The following IL4R variants were observed in gnomAD, a reference collection of about 807,000 sequenced individuals.
The protein encoded by IL4R is interleukin 4 receptor.
In IL4R, 17 loss-of-function variants were observed where a neutral mutation model predicts 41.5. The ratio of observed to expected loss-of-function variants is 0.41; its 90% CI spans 0.28 to 0.61. The LOEUF (loss-of-function observed/expected upper bound fraction) is 0.61, where lower values mean the gene tolerates loss of function less well. Ranked by LOEUF, IL4R falls within the 20% of genes least tolerant of loss-of-function variation. The pLI, the probability that IL4R is intolerant of heterozygous loss-of-function variation, is 0.31. For missense variants in IL4R, 974 were observed against 1,043.1 expected (o/e 0.93, Z 0.91); for synonymous variants, 402 against 422.9 (o/e 0.95, Z 0.61).
upstream of IL4R, chr16:27,313,792 G>C: frequency 2.1e-6 from 1 of 483,530 alleles, no homozygotes; most frequent in South Asian, 8.1e-5. Context: ...CGGCGGCGGC[G>C]GCGGGGACAG....
At chr16:27,360,693 C>A in intron 9 of IL4R, 73 bp from the exon 10 acceptor site, 1 of 1,595,160 alleles carries the variant, frequency 6.3e-7, no homozygotes, top group Non-Finnish European at 8.6e-7. Context: ...TGTACCCCTT[C>A]CTGAGCATTG....
rs753965170 is a variant in IL4R at position 27,363,455 on chromosome 16, C to A, written c.2103C>A (p.Asp701Glu). The change falls in exon 11 of 11, where the codon GAC becomes GAA. Residue 701 changes from aspartate (D) to glutamate (E), a missense_variant. By Grantham distance (45) the Asp-to-Glu change is conservative. Around this residue, in one of 3 missense-constraint regions of IL4R, gnomAD observed 682 missense variants for 704.3 expected, o/e 0.97. Transcript: ENST00000395762. ...CACTTCCCCAGGAGCAGGCCACAGA[C>A]CCCCTTGTGGACAGCCTGGGCAGTG... ...KPPLPQEQAT[D>E]PLVDSLGSGI... 4 of 1,614,060 alleles carry A rather than the reference C, an allele frequency of 2.5e-6. No individual in the cohort carries two copies. Among genetic ancestry groups the A allele is most frequent in the Non-Finnish European group, 3.4e-6 (4 of 1,179,960 alleles).
intron 1 of IL4R, among the ~76,000 whole-genome samples, chr16:27,322,929 G>A: frequency 6.6e-6 from 1 of 152,090 alleles, no homozygotes. Context: ...GCCTGCCACG[G>A]TCTCCCACCG....
chr16:27,356,701 G>A (rs1276007099), intron 8 of IL4R, among the ~76,000 whole-genome samples: 3 of 152,206 alleles, frequency 2.0e-5, no homozygotes, highest in African/African-American at 4.8e-5. Flanking sequence ...GTAGGAGCCA[G>A]AGGAATTTGC....
rs780363836 is a variant in IL4R, at chr16:27,352,524, C to T, written c.514-16C>T. 2.5e-6 allele frequency: 4 copies of T among 1,612,532 alleles called. No individual in the cohort carries two copies. Among genetic ancestry groups the T allele is most frequent in the Admixed American group, 1.7e-5 (1 of 59,974 alleles). On this transcript the variant is annotated splice_polypyrimidine_tract_variant and intron_variant, in intron 6 of 10. Transcript: ENST00000395762. ...GCCCCCGGCTGGTGCCCTAACATCT[C>T]CCTTTTCTCTACCAGTTCAGAATCT...
chr16:27,334,646 T>C (rs2085204090), intron 2 of IL4R, among the ~76,000 whole-genome samples: 1 of 152,150 alleles, frequency 6.6e-6, no homozygotes, highest in African/African-American at 2.4e-5. Context: ...CACAGGATAC[T>C]GTGGGCATCT....
intron 2 of IL4R, among the ~76,000 whole-genome samples, chr16:27,334,758 T>G (rs1250533111): frequency 6.6e-6 from 1 of 152,098 alleles, no homozygotes; most frequent in Non-Finnish European, 1.5e-5. Context: ...ACTTTACTTT[T>G]GTAACTCTCA....
At chr16:27,330,232 T>C (rs7190472) in intron 2 of IL4R, 34 bp downstream of exon 2, 55,267 of 150,872 alleles carry the variant, frequency 0.37, 10,865 homozygotes, top group East Asian at 0.51. Context: ...CTACTAAAAA[T>C]ACAAAAATTA....
chr16:27,351,658 G>A (rs2085882754), intron 6 of IL4R, among the ~76,000 whole-genome samples: 2 of 151,902 alleles, frequency 1.3e-5, no homozygotes, highest in African/African-American at 2.4e-5. Flanking sequence ...GGGATTACAG[G>A]TGCCCGCCAC....
intron 9 of IL4R, among the ~76,000 whole-genome samples, chr16:27,360,077 T>C (rs577266251): frequency 1.3e-5 from 2 of 152,064 alleles, no homozygotes; most frequent in South Asian, 4.2e-4. Context: ...TGCAATGGCG[T>C]GATCTTGGCT....
intron 10 of IL4R, 140 bp from the exon 11 acceptor site, chr16:27,362,112 C>G: frequency 1.2e-6 from 1 of 833,570 alleles, no homozygotes; most frequent in Admixed American, 2.3e-5. Context: ...ATAGACTGAT[C>G]AATTACTGAT....
intron 1 of IL4R, among the ~76,000 whole-genome samples, chr16:27,325,779 T>C (rs1205815905): frequency 1.3e-5 from 2 of 151,892 alleles, no homozygotes; most frequent in Admixed American, 1.3e-4. Context: ...CTCTGGTGCA[T>C]CCCCGATAAA....
At chr16:27,315,963 A>G (rs894234951) in intron 1 of IL4R, among the ~76,000 whole-genome samples, 1 of 152,186 alleles carries the variant, frequency 6.6e-6, no homozygotes, top group South Asian at 2.1e-4. Flanking sequence ...AAGTGACTCA[A>G]TGACTGATAT....
At position 27,362,805 on chromosome 16, in the gene IL4R, A is replaced by G. The variant is rs2086347468; in HGVS notation, c.1453A>G (p.Thr485Ala). The G allele has an allele frequency of 1.2e-6, 2 of 1,613,978 alleles. No individual in the cohort carries two copies. The highest frequency in any genetic ancestry group is 2.2e-5 in the East Asian group (1 of 44,872). ...CCAGAGTCCAGACAACCTGACTTGC[A>G]CAGAGACGCCCCTCGTCATCGCAGG... ...PTQSPDNLTC[T>A]ETPLVIAGNP... The change falls in exon 11 of 11, where the codon ACA becomes GCA. Residue 485 changes from threonine (T) to alanine (A), a missense_variant. Around this residue, in one of 3 missense-constraint regions of IL4R, gnomAD observed 682 missense variants for 704.3 expected, o/e 0.97. Coordinates refer to ENST00000395762, the MANE Select transcript of IL4R (RefSeq NM_000418.4).
intron 1 of IL4R, among the ~76,000 whole-genome samples, chr16:27,325,474 T>C (rs1460392806): frequency 6.6e-6 from 1 of 151,684 alleles, no homozygotes; most frequent in Admixed American, 6.6e-5. Flanking sequence ...CTCGGGAGAC[T>C]GAGGCAGGAG....
At chr16:27,335,038 C>G (rs547035892) in intron 2 of IL4R, among the ~76,000 whole-genome samples, 8 of 152,236 alleles carry the variant, frequency 5.3e-5, no homozygotes, top group Middle Eastern at 3.4e-3. Context: ...ACCCCTGGCA[C>G]TTCGTGAGGA....
chr16:27,361,097 C>A, intron 10 of IL4R: 2 of 1,281,932 alleles, frequency 1.6e-6, no homozygotes, highest in Non-Finnish European at 2.0e-6. Context: ...AAATCTTGAC[C>A]TAATTGTATA....
In IL4R at chr16:27,363,192, G is replaced by C. The variant is rs111360541; in HGVS notation, c.1840G>C (p.Ala614Pro). Residue 614 changes from alanine (A) to proline (P), a missense_variant, in exon 11 of 11, where the codon GCT (alanine) becomes CCT (proline). By Grantham distance (27) the Ala-to-Pro change is conservative. This residue lies in a region of IL4R where 682 missense variants were observed against 704.3 expected (regional missense o/e 0.97). Transcript: ENST00000395762. ...KAFSSLLASS[A>P]VSPEKCGFGA... Reference sequence around the variant, plus strand: ...CTTCTCAAGCCTGCTTGCCAGCAGTGCTGTGTCCCCAGAGAAATGTGGGTT... The same window carrying C: ...CTTCTCAAGCCTGCTTGCCAGCAGTCCTGTGTCCCCAGAGAAATGTGGGTT... The C allele has an allele frequency of 5.5e-5, 89 of 1,610,722 alleles. No homozygotes were observed. The African/African-American group carries it at 9.9e-4, about 18-fold the overall frequency.
intron 1 of IL4R, among the ~76,000 whole-genome samples, chr16:27,315,946 T>C (rs1035437725): frequency 6.6e-6 from 1 of 152,132 alleles, no homozygotes; most frequent in Admixed American, 6.5e-5. Flanking sequence ...GGTTTCCAAA[T>C]GCTAGGAAGT....
Sources: allele counts gnomAD v4.1 joint callset (sites outside exome capture counted in the v4.1 genomes callset), GRCh38; gene constraint gnomAD v4.1.1; regional missense constraint gnomAD v4.1.1; transcripts MANE v1.5; gene names NCBI Gene and HGNC (gene_info 2026-07-23, HGNC 2026-07-21).